The following PARG variants were observed in gnomAD, a reference collection of about 807,000 sequenced individuals.
PARG encodes the protein poly(ADP-ribose) glycohydrolase.
Under a neutral mutation model 113.0 loss-of-function variants are expected in PARG, and 35 were observed. The observed-to-expected ratio is 0.31, with a 90% CI of 0.24 to 0.41. The LOEUF is 0.41. Among genes scored for constraint, PARG ranks in the 10% least tolerant of loss-of-function variants. The probability of loss-of-function intolerance (pLI) is 1.00; values close to 1 mark genes in which losing one functional copy is unlikely to be tolerated. For synonymous variants in PARG, 330 were observed against 409.9 expected (o/e 0.81, Z 2.36); for missense variants, 797 against 1,169.4 (o/e 0.68, Z 4.64).
intron 16 of PARG, among the ~76,000 whole-genome samples, chr10:49,830,734 G>A (rs1844615726): frequency 6.6e-6 from 1 of 152,094 alleles, no homozygotes; most frequent in African/African-American, 2.4e-5. Flanking sequence ...GTCCTGTCTT[G>A]GTGATGCTGT....
At position 49,828,128 on chromosome 10, in the gene PARG, T is replaced by G. The variant is rs910046563; in HGVS notation, c.2647+4675A>C. 8.4e-5 allele frequency among the ~76,000 whole-genome samples: 10 copies of G among 118,746 alleles called. No homozygotes were observed. The East Asian group carries it at 2.0e-3, about 24-fold the overall frequency. The allele number at this position is 118,746 out of a possible 152,430, so 77.9% of individuals were successfully genotyped here. A position where few individuals can be genotyped will look rare whatever the true frequency, so the allele number is the denominator to read the frequency against. ...AAAAAAAAAAAAAAAAAAAAGCTCCTTCTACCCCAACCATGAGAAAAGCCC... is the reference window on the plus strand; with the variant it reads ...AAAAAAAAAAAAAAAAAAAAGCTCCGTCTACCCCAACCATGAGAAAAGCCC... On this transcript the variant is annotated intron_variant, in intron 16 of 17. Transcript: ENST00000616448.
At chr10:49,829,459 TACCC>T (rs1554829947) in intron 16 of PARG, among the ~76,000 whole-genome samples, 1 of 152,082 alleles carries the variant, frequency 6.6e-6, no homozygotes, top group African/African-American at 2.4e-5. Context: ...CTGCCCATGT[TACCC>T]ACCATGAACA....
intron 13 of PARG, among the ~76,000 whole-genome samples, chr10:49,848,160 CCAA>C (rs1845596661): frequency 6.8e-6 from 1 of 147,846 alleles, no homozygotes; most frequent in Non-Finnish European, 1.5e-5. Context: ...ACCATCGTGG[CCAA>C]CGTGGTGAAA....
intron 6 of PARG, among the ~76,000 whole-genome samples, chr10:49,920,545 T>TGTATATACATGTATATATATACAC (rs1837789983): frequency 7.2e-6 from 1 of 139,060 alleles, no homozygotes; most frequent in East Asian, 2.1e-4. Flanking sequence ...TATATACACA[T>TGTATATACATGTATATATATACAC]ATATATACAT....
intron 13 of PARG, among the ~76,000 whole-genome samples, chr10:49,847,357 CTT>C (rs1554833509): frequency 6.6e-6 from 1 of 151,452 alleles, no homozygotes; most frequent in East Asian, 2.0e-4. Context: ...GTCAACCCAA[CTT>C]AACCAAGTCA....
intron 12 of PARG, among the ~76,000 whole-genome samples, chr10:49,859,796 T>C (rs1185699717): frequency 6.6e-6 from 1 of 152,224 alleles, no homozygotes; most frequent in Non-Finnish European, 1.5e-5. Context: ...AGTATGCCTC[T>C]AAATGCCAAA....
In PARG at chr10:49,908,789, A is replaced by G. The variant is rs1837000836; in HGVS notation, c.1737+7128T>C. Among the ~76,000 whole-genome samples, 3 of 152,132 alleles carry G rather than the reference A, an allele frequency of 2.0e-5. No individual in the cohort carries two copies. In the South Asian group the frequency reaches 6.2e-4, roughly 32 times the overall value. On this transcript the variant is annotated intron_variant, in intron 7 of 17. Coordinates refer to ENST00000616448, the MANE Select transcript of PARG (RefSeq NM_003631.5). Reference sequence around the variant, plus strand: ...CAAAAAACCAAACCAAAACAAAACAAAAAATGACCACCAAAAGGCTATCAT... The same window carrying G: ...CAAAAAACCAAACCAAAACAAAACAGAAAATGACCACCAAAAGGCTATCAT...
At chr10:49,825,912 C>T (rs900232216) in intron 16 of PARG, among the ~76,000 whole-genome samples, 4 of 152,168 alleles carry the variant, frequency 2.6e-5, no homozygotes, top group Non-Finnish European at 5.9e-5. Flanking sequence ...GGTTGAGTAT[C>T]CCTCATCTGA....
chr10:49,931,459 G>T (rs1352772345), intron 4 of PARG, among the ~76,000 whole-genome samples: 2 of 152,062 alleles, frequency 1.3e-5, no homozygotes, highest in Middle Eastern at 3.4e-3. Flanking sequence ...GCACTTGATG[G>T]ATCAGCTGGC....
At chr10:49,847,972 C>G (rs1845587752) in intron 13 of PARG, among the ~76,000 whole-genome samples, 1 of 150,876 alleles carries the variant, frequency 6.6e-6, no homozygotes, top group Non-Finnish European at 1.5e-5. Context: ...TTCTGTGAAT[C>G]TGAGTAAAGA....
intron 6 of PARG, among the ~76,000 whole-genome samples, chr10:49,916,518 TA>T (rs1837480122): frequency 1.0e-5 from 1 of 100,436 alleles, no homozygotes; most frequent in African/African-American, 2.8e-5. Context: ...TCCTTTACTA[TA>T]AAGTATTTTT....
At position 49,923,463 on chromosome 10, in the gene PARG, T is replaced by C. The variant is rs149254185; in HGVS notation, c.1456-794A>G. Among the ~76,000 whole-genome samples the C allele has an allele frequency of 5.6e-3, 845 of 152,174 alleles. 4 individuals are homozygous for C. The highest frequency in any genetic ancestry group is 0.015 in the African/African-American group (626 of 41,494). ...ATGTGTACGTGTACACATGCAAATA[T>C]ATATATACACACATATGCTACTATA... On this transcript the variant is annotated intron_variant, in intron 4 of 17. Transcript: ENST00000616448.
At chr10:49,869,600 C>A (rs781907759) in intron 9 of PARG, 45 bp from the exon 10 acceptor site, 8 of 763,422 alleles carry the variant, frequency 1.0e-5, no homozygotes, top group Non-Finnish European at 1.9e-5. Flanking sequence ...AGTTAAAATG[C>A]CTTAATGATT....
At chr10:49,889,335 T>C (rs1847655452) in intron 7 of PARG, among the ~76,000 whole-genome samples, 1 of 152,222 alleles carries the variant, frequency 6.6e-6, no homozygotes, top group African/African-American at 2.4e-5. Flanking sequence ...AGGCTTTCTG[T>C]GATACTGTGC....
intron 8 of PARG, among the ~76,000 whole-genome samples, chr10:49,880,315 C>T (rs1847154607): frequency 6.6e-6 from 1 of 152,082 alleles, no homozygotes; most frequent in Non-Finnish European, 1.5e-5. Context: ...ACACTTCATA[C>T]TCACAATTTC....
chr10:49,853,404 C>T (rs1225364872), intron 13 of PARG, among the ~76,000 whole-genome samples: 3 of 151,718 alleles, frequency 2.0e-5, no homozygotes, highest in African/African-American at 7.3e-5. Flanking sequence ...TCCAAACCTG[C>T]AGAGCTTCCC....
chr10:49,820,449 C>T (rs1388277838), intron 16 of PARG, among the ~76,000 whole-genome samples, 156 bp from the exon 17 acceptor site: 4 of 151,980 alleles, frequency 2.6e-5, no homozygotes, highest in Non-Finnish European at 2.9e-5. Context: ...AGGCTGGGCG[C>T]GGTGCCTCAC....
chr10:49,911,081 G>A (rs1231645562), intron 7 of PARG, among the ~76,000 whole-genome samples: 1 of 152,070 alleles, frequency 6.6e-6, no homozygotes, highest in South Asian at 2.1e-4. Flanking sequence ...TCAGGAGTTC[G>A]AGACCAGCCT....
At chr10:49,829,637 T>G (rs1362722228) in intron 16 of PARG, among the ~76,000 whole-genome samples, 1 of 151,792 alleles carries the variant, frequency 6.6e-6, no homozygotes, top group Non-Finnish European at 1.5e-5. Flanking sequence ...CTACTAAAAA[T>G]AAAAAATGAA....
Sources: allele counts gnomAD v4.1 joint callset (sites outside exome capture counted in the v4.1 genomes callset), GRCh38; gene constraint gnomAD v4.1.1; transcripts MANE v1.5; gene names NCBI Gene and HGNC (gene_info 2026-07-23, HGNC 2026-07-21).